The following DBN1 variants were observed in gnomAD, a reference collection of about 807,000 sequenced individuals.
The protein encoded by DBN1 is drebrin.
Under a neutral mutation model 83.5 loss-of-function variants are expected in DBN1, and 21 were observed. The ratio of observed to expected loss-of-function variants is 0.25; its 90% confidence interval spans 0.18 to 0.36. The LOEUF (loss-of-function observed/expected upper bound fraction) is 0.36. DBN1 is among the 10% of genes least tolerant of loss of function. DBN1 has a pLI of 1.00. For synonymous variants in DBN1, 381 were observed against 384.9 expected (o/e 0.99, Z 0.12); for missense variants, 874 against 935.7 (o/e 0.93, Z 0.86).
chr5:177,458,777 A>G, intron 12 of DBN1, 70 bp from the exon 13 acceptor site: 1 of 1,362,456 alleles, frequency 7.3e-7, no homozygotes, highest in Non-Finnish European at 9.7e-7. Flanking sequence ...CTGCCCACCC[A>G]CTAAGGAGTG....
At position 177,467,988 on chromosome 5, in the gene DBN1, CCGCA is replaced by C. The variant is rs1757579108; in HGVS notation, c.255+116_255+119del. 4.2e-5 allele frequency: 45 copies of C among 1,074,000 alleles called. No individual in the cohort carries two copies. Among genetic ancestry groups the C allele is most frequent in the Non-Finnish European group, 6.2e-5 (44 of 714,576 alleles). The allele number at this position is 1,074,000 out of a possible 1,614,324, so 66.5% of individuals were successfully genotyped here. A position where few individuals can be genotyped will look rare whatever the true frequency, so the allele number is the denominator to read the frequency against. ...CTTCAGTTCCCTTCCCCAGCCCCGG[CCGCA>C]TACCCAGTTGATGAGCAGCTCTGGG... is the stretch of plus-strand genomic sequence containing the variant. On this transcript the variant is annotated intron_variant, in intron 3 of 14. Transcript: ENST00000393565. The surrounding 1 kb of genome is among the most constrained non-coding windows in gnomAD (Gnocchi z 9.1).
Position 177,457,473 on chromosome 5 carries a change from G to T in DBN1, c.2048C>A (p.Pro683Gln). ...EIDITCWDAD[P>Q]VPEEEEGFEG... ...GAAGCCCTCCTCCTCTTCTGGAACT[G>T]GGTCTGCATCCCAGCATGTGATGTC... is the stretch of plus-strand genomic sequence containing the variant. The change falls in exon 15 of 15, where the codon CCA becomes CAA. Residue 683 changes from proline to glutamine, a missense_variant. Transcript: ENST00000393565. The T allele has an allele frequency of 6.2e-7, 1 of 1,614,206 alleles. No homozygotes were observed. Among genetic ancestry groups the T allele is most frequent in the South Asian group, 1.1e-5 (1 of 91,086 alleles).
In DBN1 at chr5:177,458,254, C is replaced by T. The variant is rs751453583; in HGVS notation, c.1718G>A (p.Cys573Tyr). 1.2e-6 allele frequency: 2 copies of T among 1,613,706 alleles called. No individual in the cohort carries two copies. Among genetic ancestry groups the T allele is most frequent in the East Asian group, 2.2e-5 (1 of 44,880 alleles). ...CTCATCAAAGTTGAGAAGGGTGGCA[C>T]AGCCTTCGCCTGCTGGCAGCAGTGG... ...PEPLLPAGEG[C>Y]ATLLNFDELP... The change falls in exon 13 of 15, where the codon TGT becomes TAT. Residue 573 changes from cysteine to tyrosine, a missense_variant. Around this residue, in one of 4 missense-constraint regions of DBN1, gnomAD observed 725 missense variants for 719.7 expected, o/e 1.01. Transcript: ENST00000393565.
intron 2 of DBN1, chr5:177,468,585 T>A (rs1352213237): frequency 2.3e-6 from 1 of 432,970 alleles, no homozygotes; most frequent in East Asian, 3.3e-5. Flanking sequence ...CCCCAAAGTG[T>A]CCCAGCTGTG....
intron 12 of DBN1, 151 bp downstream of exon 12, chr5:177,458,947 C>CA: frequency 7.3e-7 from 1 of 1,371,446 alleles, no homozygotes; most frequent in South Asian, 1.5e-5. Context: ...GACTGTACAC[C>CA]AGGGCTCCTC....
At chr5:177,472,876 G>C (rs1392668659) in intron 1 of DBN1, 4 of 985,202 alleles carry the variant, frequency 4.1e-6, no homozygotes, top group Non-Finnish European at 4.8e-6. Flanking sequence ...GTTTCGGGGG[G>C]AGGGCGGCCC....
At chr5:177,459,072 T>C in intron 12 of DBN1, 26 bp downstream of exon 12, 1 of 1,579,136 alleles carries the variant, frequency 6.3e-7, no homozygotes, top group Admixed American at 1.9e-5. Flanking sequence ...ATGGGAGGCC[T>C]GGTGCAGGTA....
In DBN1 at chr5:177,467,724, G is replaced by T; in HGVS notation, c.330+19C>A. ...GGTGGCTGTCCCCACCCCCAAGAGC[G>T]CTGGCCCCTGACACGCACCTGGAAG... On this transcript the variant is annotated intron_variant, in intron 4 of 14. Transcript: ENST00000393565. The surrounding 1 kb of genome is among the most constrained non-coding windows in gnomAD (Gnocchi z 9.1). 6.4e-7 allele frequency: 1 copy of T among 1,552,488 alleles called. No individual in the cohort carries two copies. Among genetic ancestry groups the T allele is most frequent in the Non-Finnish European group, 8.7e-7 (1 of 1,147,842 alleles).
intron 8 of DBN1, among the ~76,000 whole-genome samples, chr5:177,461,094 CTTT>C (rs1212164434): frequency 8.8e-5 from 8 of 90,700 alleles, no homozygotes; most frequent in South Asian, 4.0e-4. Flanking sequence ...TTCTGGCCTT[CTTT>C]TTTTTTTTTT....
At position 177,457,980 on chromosome 5, in the gene DBN1, G is replaced by C. The variant is rs766985987; in HGVS notation, c.1914+78C>G. Reference sequence around the variant, plus strand: ...CACAGAGAAGGGGGTACTGGTGCAAGCATGAGGAATGCAGGGCCAGCACCC... The same window carrying C: ...CACAGAGAAGGGGGTACTGGTGCAACCATGAGGAATGCAGGGCCAGCACCC... On this transcript the variant is annotated intron_variant, in intron 13 of 14. Coordinates refer to ENST00000393565, the MANE Select transcript of DBN1 (RefSeq NM_001363541.2). 4 of 1,577,676 alleles carry C rather than the reference G, an allele frequency of 2.5e-6. No individual in the cohort carries two copies. The South Asian group carries it at 4.4e-5, about 17-fold the overall frequency.
intron 8 of DBN1, among the ~76,000 whole-genome samples, chr5:177,461,243 C>T (rs1240852026): frequency 3.3e-5 from 5 of 150,476 alleles, no homozygotes; most frequent in South Asian, 2.1e-4. Flanking sequence ...GGACTACAGG[C>T]GCCCGCCACT....
Position 177,460,479 on chromosome 5 carries a change from G to A in DBN1, c.908C>T (p.Ala303Val), listed in dbSNP as rs921476424. 2.5e-6 allele frequency: 4 copies of A among 1,614,130 alleles called. No individual in the cohort carries two copies. Among genetic ancestry groups the A allele is most frequent in the South Asian group, 2.2e-5 (2 of 91,082 alleles). ...FFKQQERVAS[A>V]SAGSCDVPSP... ...GGGTACATCACAGCTGCCCGCAGAG[G>A]CCGATGCGACTCTTTCCTGCTGCTT... Residue 303 changes from alanine (A) to valine (V), a missense_variant, in exon 10 of 15, where the codon GCC (alanine) becomes GTC (valine). Ala to Val is a moderately conservative substitution (Grantham distance 64). Coordinates refer to ENST00000393565, the MANE Select transcript of DBN1 (RefSeq NM_001363541.2).
chr5:177,468,024 GCCCCCTTCCC>G, intron 3 of DBN1, 74 bp downstream of exon 3: 5 of 696,650 alleles, frequency 7.2e-6, no homozygotes, highest in South Asian at 3.1e-5. Context: ...TGGGCCCTCA[GCCCCCTTCCC>G]CAGCCCCGGC....
At chr5:177,471,970 G>A (rs1757874499) in intron 1 of DBN1, 2 of 780,726 alleles carry the variant, frequency 2.6e-6, no homozygotes, top group Non-Finnish European at 3.9e-6. Context: ...CCCCAGGCGG[G>A]GCCTTATCCC....
At chr5:177,461,122 G>A (rs1168796558) in intron 8 of DBN1, among the ~76,000 whole-genome samples, 3 of 109,458 alleles carry the variant, frequency 2.7e-5, no homozygotes, top group Non-Finnish European at 5.4e-5. Context: ...TTTTTGAGAC[G>A]GAGTCTCGCT....
At chr5:177,462,512 T>G in intron 8 of DBN1, 1 of 643,266 alleles carries the variant, frequency 1.6e-6, no homozygotes, top group Non-Finnish European at 1.9e-6. Context: ...AGTTCCTGTT[T>G]CCGGAGGCAC....
Position 177,460,467 on chromosome 5 carries a change from C to A in DBN1, c.920G>T (p.Ser307Ile). 3 of 1,614,146 alleles carry A rather than the reference C, an allele frequency of 1.9e-6. No individual in the cohort carries two copies. Among genetic ancestry groups the A allele is most frequent in the Non-Finnish European group, 2.5e-6 (3 of 1,180,002 alleles). ...QERVASASAGSCDVPSPFNHR... is the reference protein window; with the variant it reads ...QERVASASAGICDVPSPFNHR... Reference sequence around the variant, plus strand: ...GTTGAAGGGCGAGGGTACATCACAGCTGCCCGCAGAGGCCGATGCGACTCT... The same window carrying A: ...GTTGAAGGGCGAGGGTACATCACAGATGCCCGCAGAGGCCGATGCGACTCT... Residue 307 changes from serine to isoleucine, a missense_variant, in exon 10 of 15, where the codon AGC becomes ATC. By Grantham distance (142) the Ser-to-Ile change is moderately radical. Coordinates refer to ENST00000393565, the MANE Select transcript of DBN1 (RefSeq NM_001363541.2).
Position 177,468,171 on chromosome 5 carries a change from C to A in DBN1, c.192G>T (p.Met64Ile). ...AGTCCTTGACACTGCAGAAGCCGTA[C>A]ATCACCTTCTGGTTCTCAAAGTGTC... ...LSGHFENQKV[M>I]YGFCSVKDSQ... The change falls in exon 3 of 15, where the codon ATG becomes ATT. Residue 64 changes from methionine to isoleucine, a missense_variant. Physicochemically the swap from Met to Ile is conservative, Grantham distance 10 (BLOSUM62 1). Transcript: ENST00000393565. 1 of 1,614,202 alleles carries A rather than the reference C, an allele frequency of 6.2e-7. No individual in the cohort carries two copies.
At position 177,466,886 on chromosome 5, in the gene DBN1, G is replaced by A. The variant is rs1313649635; in HGVS notation, c.707+25C>T. On this transcript the variant is annotated intron_variant, in intron 7 of 14. Transcript: ENST00000393565. The surrounding 1 kb of genome is among the most constrained non-coding windows in gnomAD (Gnocchi z 4.8). ...GTCAGGGTGCGCCCGGGGGCCCCTG[G>A]AGCGCTCCGGGCGGGCAGGCTCACC... 6.2e-7 allele frequency: 1 copy of A among 1,613,416 alleles called. No individual in the cohort carries two copies. The highest frequency in any genetic ancestry group is 1.3e-5 in the African/African-American group (1 of 74,894).
Sources: allele counts gnomAD v4.1 joint callset (sites outside exome capture counted in the v4.1 genomes callset), GRCh38; gene constraint gnomAD v4.1.1; regional missense constraint gnomAD v4.1.1; non-coding constraint Gnocchi (gnomAD v3.1); transcripts MANE v1.5; gene names NCBI Gene and HGNC (gene_info 2026-07-23, HGNC 2026-07-21).